The following MYO18A variants were observed in gnomAD, a reference collection of about 807,000 sequenced individuals.
MYO18A encodes unconventional myosin-XVIIIa.
In MYO18A, 78 loss-of-function variants were observed where a neutral mutation model predicts 235.8. That is an observed-to-expected ratio of 0.33 (90% CI 0.28 to 0.40). The LOEUF is 0.40. Ranked by LOEUF, MYO18A falls within the 10% of genes least tolerant of loss-of-function variation. The pLI, the probability that MYO18A is intolerant of heterozygous loss-of-function variation, is 1.00. For missense variants in MYO18A, 2,215 were observed against 2,699.3 expected (o/e 0.82, Z 3.98); for synonymous variants, 977 against 1,077.8 (o/e 0.91, Z 1.83).
intron 2 of MYO18A, among the ~76,000 whole-genome samples, chr17:29,154,101 AGTGT>A (rs61393170): frequency 1.9e-4 from 28 of 150,278 alleles, no homozygotes; most frequent in African/African-American, 2.9e-4. Flanking sequence ...AATTCTGCAG[AGTGT>A]GTGTGTGTGT....
chr17:29,103,525 CAGG>C lies in MYO18A; in HGVS notation c.3507+71_3507+73del, dbSNP rs1316688738. ...GTGATGTCTGGCTGAGCAAAGAGAA[CAGG>C]AGGAGTGGGCCAGCCACCTGACAGG... On this transcript the variant is annotated intron_variant, in intron 21 of 41. Transcript: ENST00000527372. 7 of 1,429,194 alleles carry C rather than the reference CAGG, an allele frequency of 4.9e-6. No individual in the cohort carries two copies. In the East Asian group the frequency reaches 1.4e-4, roughly 28 times the overall value. 88.5% of individuals were successfully genotyped at this position (1,429,194 alleles called of 1,614,324 possible).
At chr17:29,136,250 A>AATAT (rs1247592713) in intron 2 of MYO18A, among the ~76,000 whole-genome samples, 229 of 82,404 alleles carry the variant, frequency 2.8e-3, no homozygotes, top group Middle Eastern at 8.1e-3. Flanking sequence ...AAAAAAAAAA[A>AATAT]ATATATATAT....
intron 37 of MYO18A, among the ~76,000 whole-genome samples, chr17:29,089,663 G>C (rs1304321602): frequency 3.9e-5 from 6 of 152,192 alleles, no homozygotes; most frequent in Non-Finnish European, 8.8e-5. Context: ...CGGTTGAGGG[G>C]AACAGGCGGG....
At chr17:29,130,513 CACACACACACACACAA>C (rs2067444941) in intron 2 of MYO18A, among the ~76,000 whole-genome samples, 3 of 127,772 alleles carry the variant, frequency 2.3e-5, no homozygotes, top group South Asian at 5.4e-4. Context: ...CACACACACA[CACACACACACACACAA>C]CCCTTTCAAA....
chr17:29,152,725 T>C (rs2067985325), intron 2 of MYO18A, among the ~76,000 whole-genome samples: 1 of 151,876 alleles, frequency 6.6e-6, no homozygotes, highest in Non-Finnish European at 1.5e-5. Context: ...TAATGTTCAC[T>C]TCTTCTTTTT....
At chr17:29,177,030 C>T (rs1284868308) in intron 1 of MYO18A, among the ~76,000 whole-genome samples, 1 of 152,230 alleles carries the variant, frequency 6.6e-6, no homozygotes, top group East Asian at 1.9e-4. Flanking sequence ...GGTGCACCGC[C>T]TGGCGCTCAG....
chr17:29,114,794 G>A (rs1249454110), intron 14 of MYO18A, 113 bp downstream of exon 14: 6 of 1,151,702 alleles, frequency 5.2e-6, no homozygotes, highest in Non-Finnish European at 6.0e-6. Context: ...TCCAGAGAGC[G>A]CAGGAGGACA....
At chr17:29,128,169 C>T in intron 2 of MYO18A, 3 of 1,127,630 alleles carry the variant, frequency 2.7e-6, no homozygotes, top group Non-Finnish European at 3.3e-6. Context: ...TCCTTCTTCA[C>T]TTCAGGCTTA....
intron 1 of MYO18A, among the ~76,000 whole-genome samples, chr17:29,179,020 C>A (rs2068592182): frequency 6.6e-6 from 1 of 152,184 alleles, no homozygotes; most frequent in Admixed American, 6.5e-5. Flanking sequence ...GACGAACCCA[C>A]ACTAACTAGC....
chr17:29,107,082 G>A lies in MYO18A; in HGVS notation c.3439C>T (p.Arg1147Trp), dbSNP rs1568070098. 1 of 1,613,854 alleles carries A rather than the reference G, an allele frequency of 6.2e-7. No homozygotes were observed. ...GRNYIVVDERRAVEELLECLD... is the reference protein window; with the variant it reads ...GRNYIVVDERWAVEELLECLD... ...GCGGTCTGGGGACCTGGACCTACCCGCCTTTCATCCACCACGATGTAGTTA... is the reference window on the plus strand; with the variant it reads ...GCGGTCTGGGGACCTGGACCTACCCACCTTTCATCCACCACGATGTAGTTA... Residue 1147 changes from arginine to tryptophan, a missense_variant and splice_region_variant, in exon 20 of 42, where the codon CGG becomes TGG. Transcript: ENST00000527372.
At position 29,126,092 on chromosome 17, in the gene MYO18A, C is replaced by T. The variant is rs949515408; in HGVS notation, c.1000-3839G>A. ...GAGCAGCGCCAGGGAGCAAGCCGCG[C>T]GGCAATCTGAGTTTTTAAACCATCA... On this transcript the variant is annotated intron_variant, in intron 2 of 41. Coordinates refer to ENST00000527372, the MANE Select transcript of MYO18A (RefSeq NM_078471.4). The surrounding 1 kb of genome is among the most constrained non-coding windows in gnomAD (Gnocchi z 4.1). The T allele has an allele frequency of 7.9e-5, 23 of 291,766 alleles. No individual in the cohort carries two copies. In the East Asian group the frequency reaches 1.5e-3, roughly 20 times the overall value. The allele number at this position is 291,766 out of a possible 1,614,324, so 18.1% of individuals were successfully genotyped here.
intron 37 of MYO18A, among the ~76,000 whole-genome samples, chr17:29,087,597 C>A (rs1175460979): frequency 1.3e-5 from 2 of 152,148 alleles, no homozygotes; most frequent in African/African-American, 4.8e-5. Flanking sequence ...AGATTCCAAG[C>A]AGAGAGCATC....
chr17:29,127,004 G>A (rs544444018), intron 2 of MYO18A, among the ~76,000 whole-genome samples: 2 of 152,332 alleles, frequency 1.3e-5, no homozygotes, highest in East Asian at 3.9e-4. Context: ...GGCAGTGATG[G>A]CAGTGAGGGC....
intron 2 of MYO18A, among the ~76,000 whole-genome samples, chr17:29,123,776 C>T (rs890590133): frequency 8.5e-5 from 13 of 152,238 alleles, no homozygotes; most frequent in African/African-American, 3.1e-4. Context: ...TGGCCAGGTG[C>T]AGTGGCTCAC....
rs745975862 is a variant in MYO18A, at chr17:29,092,971, G to A, written c.4957C>T (p.Arg1653Trp). The A allele has an allele frequency of 4.3e-6, 7 of 1,613,450 alleles. No individual in the cohort carries two copies. Among genetic ancestry groups the A allele is most frequent in the African/African-American group, 2.7e-5 (2 of 74,898 alleles). ...GTGCGCTTCAGGTCCTTCCGCAGCCGCTTCTCTGACTCAAAGTCCCGCCGG... is the reference window on the plus strand; with the variant it reads ...GTGCGCTTCAGGTCCTTCCGCAGCCACTTCTCTGACTCAAAGTCCCGCCGG... Reference protein sequence around the residue: ...VNRRDFESEKRLRKDLKRTKA... With the variant: ...VNRRDFESEKWLRKDLKRTKA... The change falls in exon 33 of 42, where the codon CGG becomes TGG. Residue 1653 changes from arginine to tryptophan, a missense_variant. Physicochemically the swap from Arg to Trp is moderately radical, Grantham distance 101. Transcript: ENST00000527372.
At position 29,166,734 on chromosome 17, in the gene MYO18A, C is replaced by A; in HGVS notation, c.207G>T (p.Lys69Asn). ...GGTGCAGGTCAGAGCCGCTGGCCAC[C>A]TTGATGGGGATGGGGTTGGAGATTT... Reference protein sequence around the residue: ...RLEISNPIPIKVASGSDLHLT... With the variant: ...RLEISNPIPINVASGSDLHLT... The change falls in exon 2 of 42, where the codon AAG becomes AAT. Residue 69 changes from lysine to asparagine, a missense_variant. Coordinates refer to ENST00000527372, the MANE Select transcript of MYO18A (RefSeq NM_078471.4). 6.2e-7 allele frequency: 1 copy of A among 1,613,868 alleles called. No individual in the cohort carries two copies. The highest frequency in any genetic ancestry group is 8.5e-7 in the Non-Finnish European group (1 of 1,179,886).
chr17:29,178,124 G>C (rs2068573399), intron 1 of MYO18A, among the ~76,000 whole-genome samples: 1 of 152,140 alleles, frequency 6.6e-6, no homozygotes, highest in Non-Finnish European at 1.5e-5. Context: ...GCCACTACCA[G>C]GGCCAGTGAG....
chr17:29,082,248 AGGCGCTAC>A, intron 41 of MYO18A, 60 bp downstream of exon 41: 1 of 1,601,346 alleles, frequency 6.2e-7, no homozygotes, highest in African/African-American at 1.3e-5. Context: ...CATGGGATCC[AGGCGCTAC>A]TTGTCCATTC....
intron 19 of MYO18A, among the ~76,000 whole-genome samples, chr17:29,108,951 C>G (rs1296746014): frequency 6.6e-6 from 1 of 152,042 alleles, no homozygotes; most frequent in Non-Finnish European, 1.5e-5. Context: ...ACACCAACTC[C>G]ATATCAAGAC....
Sources: allele counts gnomAD v4.1 joint callset (sites outside exome capture counted in the v4.1 genomes callset), GRCh38; gene constraint gnomAD v4.1.1; non-coding constraint Gnocchi (gnomAD v3.1); transcripts MANE v1.5; gene names NCBI Gene and HGNC (gene_info 2026-07-23, HGNC 2026-07-21).